The following DCLK2 variants were observed in gnomAD, a reference collection of about 807,000 sequenced individuals.
DCLK2 encodes the protein doublecortin like kinase 2.
A neutral mutation model predicts 78.4 loss-of-function variants in DCLK2; 31 were observed. That is an observed-to-expected ratio of 0.40 (90% CI 0.30 to 0.53). The LOEUF (loss-of-function observed/expected upper bound fraction) is 0.53. DCLK2 is among the 20% of genes least tolerant of loss of function. DCLK2 has a pLI of 0.61. For missense variants in DCLK2, 872 were observed against 973.7 expected, an observed-to-expected ratio of 0.90 and a Z score of 1.39; for synonymous variants, 407 against 374.9, an observed-to-expected ratio of 1.09 and a Z score of -0.99.
At chr4:150,126,127 C>T (rs1237728757) in intron 2 of DCLK2, among the ~76,000 whole-genome samples, 1 of 152,058 alleles carries the variant, frequency 6.6e-6, no homozygotes, top group Non-Finnish European at 1.5e-5. Context: ...ATCTTCAGAC[C>T]TTTGAATTTT....
chr4:150,114,482 A>AT (rs1398428089), intron 2 of DCLK2, among the ~76,000 whole-genome samples: 2 of 151,954 alleles, frequency 1.3e-5, no homozygotes, highest in African/African-American at 2.4e-5. Context: ...TCATCGTGGT[A>AT]TTTTTTTATA....
chr4:150,106,566 G>A (rs1731271674), intron 2 of DCLK2, among the ~76,000 whole-genome samples: 1 of 152,204 alleles, frequency 6.6e-6, no homozygotes, highest in African/African-American at 2.4e-5. Flanking sequence ...TTCCTACCCA[G>A]ATTGGTTGTT....
At chr4:150,186,160 G>A (rs559833900) in intron 2 of DCLK2, among the ~76,000 whole-genome samples, 1 of 152,164 alleles carries the variant, frequency 6.6e-6, no homozygotes, top group South Asian at 2.1e-4. Context: ...ACAGTAAGAG[G>A]CCTTCTAAAC....
intron 2 of DCLK2, among the ~76,000 whole-genome samples, chr4:150,116,771 C>T (rs750751380): frequency 9.2e-5 from 14 of 152,150 alleles, no homozygotes; most frequent in Non-Finnish European, 1.8e-4. Context: ...GAGTCAGGGC[C>T]TCTTGGTTAG....
At position 150,203,191 on chromosome 4, in the gene DCLK2, G is replaced by A. The variant is rs553847683; in HGVS notation, c.962-604G>A. Among the ~76,000 whole-genome samples, 4 of 152,214 alleles carry A rather than the reference G, an allele frequency of 2.6e-5. No individual in the cohort carries two copies. In the South Asian group the frequency reaches 8.3e-4, roughly 32 times the overall value. On this transcript the variant is annotated intron_variant, in intron 4 of 15. Coordinates refer to ENST00000296550, the MANE Select transcript of DCLK2 (RefSeq NM_001040260.4). ...AGCTGTACAGAAAAGAAAATGGAAG[G>A]AATTAGAAATAAGTAGTCTAGATAA...
At chr4:150,190,266 GATA>G (rs1430475421) in intron 2 of DCLK2, among the ~76,000 whole-genome samples, 6 of 114,802 alleles carry the variant, frequency 5.2e-5, no homozygotes, top group African/African-American at 1.7e-4. Context: ...TAGATAGATA[GATA>G]GATAGATAGA....
rs189923617 is a variant in DCLK2, at chr4:150,180,977, G to C, written c.757-12161G>C. ...CCAGGAGGAGGGACTGCTGCACACA[G>C]AGATCGGGAACACCCTGGACAGACA... On this transcript the variant is annotated intron_variant, in intron 2 of 15. Transcript: ENST00000296550. Among the ~76,000 whole-genome samples, 259 of 152,236 alleles carry C rather than the reference G, an allele frequency of 1.7e-3. 4 individuals carry two copies. The highest frequency in any genetic ancestry group is 5.9e-3 in the African/African-American group (244 of 41,534).
In DCLK2 at chr4:150,102,579, C is replaced by T. The variant is rs982859820; in HGVS notation, c.523C>T (p.Arg175Ter). ...TGTGAACATCAAGGGTGGGACATCC[C>T]GAGCGCTGGCTGCTGCCTCCTCTGT... Reference protein sequence around the residue: ...WSVNIKGGTSRALAAASSVKS... With the variant: ...WSVNIKGGTS Residue 175 changes from arginine to a stop codon, truncating the protein, a stop_gained, in exon 2 of 16, where the codon CGA becomes TGA. Coordinates refer to ENST00000296550, the MANE Select transcript of DCLK2 (RefSeq NM_001040260.4). LOFTEE classifies it high-confidence loss of function. 3 of 1,614,086 alleles carry T rather than the reference C, an allele frequency of 1.9e-6. No individual in the cohort carries two copies. Among genetic ancestry groups the T allele is most frequent in the Non-Finnish European group, 2.5e-6 (3 of 1,180,008 alleles).
intron 1 of DCLK2, among the ~76,000 whole-genome samples, chr4:150,093,836 C>T (rs1730270591): frequency 6.6e-6 from 1 of 152,178 alleles, no homozygotes; most frequent in South Asian, 2.1e-4. Flanking sequence ...GTAATTAAAA[C>T]ATTATGATAC....
intron 8 of DCLK2, among the ~76,000 whole-genome samples, chr4:150,227,985 G>A (rs1741741799): frequency 3.3e-5 from 5 of 152,166 alleles, no homozygotes; most frequent in African/African-American, 1.2e-4. Context: ...TTCCTTTGGG[G>A]GTTTTGGGGA....
chr4:150,248,047 A>C (rs1344962870), intron 13 of DCLK2, among the ~76,000 whole-genome samples: 1 of 152,210 alleles, frequency 6.6e-6, no homozygotes, highest in African/African-American at 2.4e-5. Context: ...GCAGTTTTAG[A>C]CTGTGGAATA....
At position 150,136,423 on chromosome 4, in the gene DCLK2, A is replaced by G. The variant is rs148241000; in HGVS notation, c.756+33611A>G. On this transcript the variant is annotated intron_variant, in intron 2 of 15. Transcript: ENST00000296550. ...GTAATTGAAGTACCTGGGATGGAGA[A>G]GACATGAACCCAGTTCTAAAGCCTT... Among the ~76,000 whole-genome samples the G allele has an allele frequency of 8.8e-4, 134 of 152,328 alleles. 1 individual carries two copies. The highest frequency in any genetic ancestry group is 6.8e-3 in the Middle Eastern group (2 of 294).
chr4:150,167,487 A>G (rs1249055293), intron 2 of DCLK2, among the ~76,000 whole-genome samples: 2 of 152,218 alleles, frequency 1.3e-5, no homozygotes, highest in African/African-American at 2.4e-5. Context: ...TGAGTAGGAA[A>G]GCTAGATCTT....
chr4:150,190,818 C>T (rs1273420449), intron 2 of DCLK2, among the ~76,000 whole-genome samples: 1 of 152,044 alleles, frequency 6.6e-6, no homozygotes, highest in Non-Finnish European at 1.5e-5. Context: ...TCAATAAACG[C>T]TTTTAAAAAA....
At chr4:150,164,551 C>T (rs1034210587) in intron 2 of DCLK2, among the ~76,000 whole-genome samples, 5 of 152,170 alleles carry the variant, frequency 3.3e-5, no homozygotes, top group African/African-American at 1.2e-4. Flanking sequence ...GTAATCCCAG[C>T]ACTTTGGGAG....
chr4:150,252,952 C>T (rs1459051971), intron 15 of DCLK2, among the ~76,000 whole-genome samples: 3 of 152,180 alleles, frequency 2.0e-5, no homozygotes, highest in Admixed American at 2.0e-4. Context: ...AAACACCAGC[C>T]TGTGACTTTT....
chr4:150,196,552 T>G (rs940225469), intron 3 of DCLK2, among the ~76,000 whole-genome samples: 72 of 152,276 alleles, frequency 4.7e-4, no homozygotes, highest in African/African-American at 1.7e-3. Flanking sequence ...ATTTTAAACT[T>G]CCTGCATAAA....
chr4:150,088,266 C>T (rs1052807735), intron 1 of DCLK2, among the ~76,000 whole-genome samples: 8 of 152,194 alleles, frequency 5.3e-5, no homozygotes, highest in Non-Finnish European at 1.0e-4. Flanking sequence ...ACAGTGTAAA[C>T]TTGTCTCTTA....
At chr4:150,179,310 G>C (rs1007113950) in intron 2 of DCLK2, among the ~76,000 whole-genome samples, 1 of 152,160 alleles carries the variant, frequency 6.6e-6, no homozygotes, top group Non-Finnish European at 1.5e-5. Context: ...TTACAGGTGT[G>C]AGCCACTGCG....
Sources: allele counts gnomAD v4.1 joint callset (sites outside exome capture counted in the v4.1 genomes callset), GRCh38; gene constraint gnomAD v4.1.1; transcripts MANE v1.5; gene names NCBI Gene and HGNC (gene_info 2026-07-23, HGNC 2026-07-21).